The following DYNC1I1 variants were observed in gnomAD, a reference collection of about 807,000 sequenced individuals.
DYNC1I1 encodes the protein dynein cytoplasmic 1 intermediate chain 1.
A neutral mutation model predicts 86.6 loss-of-function variants in DYNC1I1; 43 were observed. That is an observed-to-expected ratio of 0.50 (90% CI 0.39 to 0.64). DYNC1I1 has a LOEUF of 0.64. Ranked by LOEUF, DYNC1I1 falls within the 30% of genes least tolerant of loss-of-function variation. The pLI, the probability that DYNC1I1 is intolerant of heterozygous loss-of-function variation, is 0.00. For missense variants in DYNC1I1, 604 were observed against 788.8 expected (o/e 0.77, Z 2.81); for synonymous variants, 262 against 283.7 (o/e 0.92, Z 0.77).
intron 14 of DYNC1I1, among the ~76,000 whole-genome samples, chr7:96,043,680 A>T (rs966106466): frequency 6.6e-5 from 10 of 152,100 alleles, no homozygotes; most frequent in African/African-American, 1.9e-4. Flanking sequence ...TACTAACTGT[A>T]TATTTGATGA....
intron 6 of DYNC1I1, among the ~76,000 whole-genome samples, chr7:95,946,625 T>A (rs1792409225): frequency 6.6e-6 from 1 of 152,122 alleles, no homozygotes; most frequent in African/African-American, 2.4e-5. Context: ...TTAAAATAAA[T>A]TTGGGTGGAA....
intron 1 of DYNC1I1, among the ~76,000 whole-genome samples, chr7:95,781,655 A>G (rs563539405): frequency 6.6e-6 from 1 of 152,252 alleles, no homozygotes; most frequent in Non-Finnish European, 1.5e-5. Flanking sequence ...TACCTTCCCA[A>G]ATGCTGGAAA....
At chr7:95,852,482 T>A (rs1584278537) in intron 5 of DYNC1I1, among the ~76,000 whole-genome samples, 1 of 151,962 alleles carries the variant, frequency 6.6e-6, no homozygotes, top group African/African-American at 2.4e-5. Flanking sequence ...GTTTTTCTAG[T>A]CTTTATTTTT....
At chr7:95,778,651 TTTTATTTATTTA>T (rs149402071) in intron 1 of DYNC1I1, among the ~76,000 whole-genome samples, 3 of 151,704 alleles carry the variant, frequency 2.0e-5, no homozygotes, top group Admixed American at 1.3e-4. Flanking sequence ...TTCTTTTTAG[TTTTATTTATTTA>T]TTTATTTATT....
chr7:95,813,447 T>C, intron 4 of DYNC1I1, 110 bp downstream of exon 4: 1 of 1,319,238 alleles, frequency 7.6e-7, no homozygotes, highest in Non-Finnish European at 1.0e-6. Flanking sequence ...TCTGCATGTG[T>C]ACTTGGACAT....
At chr7:95,862,471 C>A (rs1016542704) in intron 5 of DYNC1I1, among the ~76,000 whole-genome samples, 2 of 152,030 alleles carry the variant, frequency 1.3e-5, no homozygotes, top group Non-Finnish European at 2.9e-5. Context: ...CATCATTAGC[C>A]GTCAGAGAAA....
intron 6 of DYNC1I1, among the ~76,000 whole-genome samples, chr7:95,961,828 A>T (rs1412958840): frequency 6.6e-6 from 1 of 152,208 alleles, no homozygotes; most frequent in Non-Finnish European, 1.5e-5. Flanking sequence ...CCTTGCTCTC[A>T]CTGCGCCATC....
chr7:95,836,529 G>C (rs917070078), intron 5 of DYNC1I1, among the ~76,000 whole-genome samples: 9 of 151,586 alleles, frequency 5.9e-5, no homozygotes, highest in African/African-American at 1.9e-4. Context: ...TGCTAGATTG[G>C]GGAAGTTCTC....
chr7:95,898,080 A>G (rs1258560390), intron 6 of DYNC1I1, among the ~76,000 whole-genome samples: 1 of 152,200 alleles, frequency 6.6e-6, no homozygotes, highest in Non-Finnish European at 1.5e-5. Flanking sequence ...TGCCTTCAGC[A>G]ATAGTCAGGT....
intron 6 of DYNC1I1, among the ~76,000 whole-genome samples, chr7:95,948,581 G>A (rs1461310697): frequency 6.6e-6 from 1 of 152,134 alleles, no homozygotes; most frequent in East Asian, 1.9e-4. Context: ...TAAGTCAGAG[G>A]AACTTGTCTT....
In DYNC1I1 at chr7:95,781,851, GA is replaced by G. The variant is rs1794001725; in HGVS notation, c.-10+9079del. 2.6e-5 allele frequency among the ~76,000 whole-genome samples: 4 copies of G among 152,308 alleles called. No homozygotes were observed. In the South Asian group the frequency reaches 8.3e-4, roughly 32 times the overall value. ...GCACTTTAAGATGGGGATGGTAAAG[GA>G]GGGGTGCTTGAAGATGTCAACGCTG... On this transcript the variant is annotated intron_variant, in intron 1 of 16. Transcript: ENST00000447467.
At chr7:95,862,345 C>G (rs1282847446) in intron 5 of DYNC1I1, among the ~76,000 whole-genome samples, 1 of 105,364 alleles carries the variant, frequency 9.5e-6, no homozygotes, top group African/African-American at 3.0e-5. Context: ...TTTCTTACAA[C>G]TCAACCATTA....
intron 5 of DYNC1I1, among the ~76,000 whole-genome samples, chr7:95,866,724 C>G (rs1790026361): frequency 1.3e-5 from 2 of 152,154 alleles, no homozygotes; most frequent in African/African-American, 4.8e-5. Context: ...TGGAAAGATA[C>G]AGTAATCTAC....
At chr7:95,852,086 G>A (rs1789594719) in intron 5 of DYNC1I1, among the ~76,000 whole-genome samples, 1 of 152,114 alleles carries the variant, frequency 6.6e-6, no homozygotes, top group Non-Finnish European at 1.5e-5. Flanking sequence ...ATTGCTATTA[G>A]TTCTTCTTTA....
intron 7 of DYNC1I1, among the ~76,000 whole-genome samples, chr7:95,980,125 T>C (rs928559846): frequency 2.0e-5 from 3 of 152,150 alleles, no homozygotes; most frequent in Non-Finnish European, 2.9e-5. Flanking sequence ...AAAACACCCT[T>C]CAGTTTTAAC....
chr7:96,037,405 A>G (rs1015083656), intron 13 of DYNC1I1, among the ~76,000 whole-genome samples: 2 of 152,308 alleles, frequency 1.3e-5, no homozygotes, highest in Non-Finnish European at 2.9e-5. Flanking sequence ...CTCTCTTCAA[A>G]ATAACTGATG....
At chr7:96,101,363 C>A (rs1034021048), downstream of DYNC1I1, among the ~76,000 whole-genome samples, 1 of 152,076 alleles carries the variant, frequency 6.6e-6, no homozygotes, top group African/African-American at 2.4e-5. Flanking sequence ...CAGTCCTGAG[C>A]CAGTTTTCCA....
chr7:96,094,618 G>T (rs541758079), intron 16 of DYNC1I1, among the ~76,000 whole-genome samples: 1 of 152,290 alleles, frequency 6.6e-6, no homozygotes, highest in Admixed American at 6.5e-5. Flanking sequence ...TGTAGAAACA[G>T]CCTGTGAATA....
rs138766492 is a variant in DYNC1I1, at chr7:95,858,205, G to A, written c.375-11678G>A. ...TCATAACTGATTTTCCACCTTTGTA[G>A]TCCTTAATTACTTTTAACTTTATTT... is the stretch of plus-strand genomic sequence containing the variant. On this transcript the variant is annotated intron_variant, in intron 5 of 16. Coordinates refer to ENST00000447467, the MANE Select transcript of DYNC1I1 (RefSeq NM_001135556.2). Among the ~76,000 whole-genome samples the A allele has an allele frequency of 2.5e-4, 38 of 152,274 alleles. No homozygotes were observed. In the East Asian group the frequency reaches 4.8e-3, roughly 19 times the overall value.
Sources: gnomAD v4.1 joint callset for allele counts (sites outside exome capture counted in the v4.1 genomes callset) on GRCh38, gnomAD v4.1.1 for gene constraint, MANE v1.5 for transcripts, NCBI Gene and HGNC (gene_info 2026-07-23, HGNC 2026-07-21) for gene names.